The following NETO2 variants were observed in gnomAD, a reference collection of about 807,000 sequenced individuals.
NETO2 encodes neuropilin and tolloid like 2, also known as neuropilin and tolloid-like protein 2.
Under a neutral mutation model 62.5 loss-of-function variants are expected in NETO2, and 28 were observed. The ratio of observed to expected loss-of-function variants is 0.45; its 90% CI spans 0.33 to 0.61. NETO2 has a LOEUF of 0.61. NETO2 is among the 20% of genes least tolerant of loss of function. The probability of loss-of-function intolerance (pLI) is 0.02; values close to 1 mark genes in which losing one functional copy is unlikely to be tolerated. For missense variants in NETO2, 548 were observed against 643.2 expected (o/e 0.85, Z 1.60); for synonymous variants, 214 against 219.1 (o/e 0.98, Z 0.21).
intron 1 of NETO2, among the ~76,000 whole-genome samples, chr16:47,141,863 A>AG (rs1337831962): frequency 1.3e-5 from 2 of 152,236 alleles, no homozygotes; most frequent in Non-Finnish European, 2.9e-5. Flanking sequence ...ATGGCCAGAG[A>AG]GGGCAGTGTG....
At chr16:47,119,100 CT>C (rs1441665349) in intron 6 of NETO2, among the ~76,000 whole-genome samples, 2 of 151,038 alleles carry the variant, frequency 1.3e-5, no homozygotes, top group African/African-American at 4.9e-5. Flanking sequence ...TAAATCCTTG[CT>C]GTAGTTGATT....
Position 47,079,212 on chromosome 16 carries a change from C to G in NETO2, c.*4009G>C, listed in dbSNP as rs1041335650. 1 of 151,036 alleles carries G rather than the reference C, an allele frequency of 6.6e-6. No individual in the cohort carries two copies. Among genetic ancestry groups the G allele is most frequent in the African/African-American group, 2.4e-5 (1 of 40,948 alleles). The allele number at this position is 151,036 out of a possible 1,614,324, so 9.4% of individuals were successfully genotyped here. On this transcript the variant is annotated 3_prime_UTR_variant, in exon 9 of 9. Transcript: ENST00000562435. ...AGGAGAATGGCATGAACCCGGGAGG[C>G]GGAGCTTGCAGTGAGCCGAGATCAC...
rs544939887 is a variant in NETO2, at chr16:47,094,615, C to T, written c.884-8276G>A. ...TAATTTTTTGTATCTTTAGTAGAGA[C>T]AGGGTTTCACCGTGTTAGCCAGGAT... On this transcript the variant is annotated intron_variant, in intron 7 of 8. Transcript: ENST00000562435. Among the ~76,000 whole-genome samples, 184 of 152,134 alleles carry T rather than the reference C, an allele frequency of 1.2e-3. 1 individual carries two copies. Among genetic ancestry groups the T allele is most frequent in the Non-Finnish European group, 2.0e-3 (134 of 68,010 alleles).
intron 2 of NETO2, 91 bp downstream of exon 2, chr16:47,131,878 T>C: frequency 9.6e-7 from 1 of 1,043,728 alleles, no homozygotes; most frequent in South Asian, 1.3e-5. Context: ...CCAAAGGGAT[T>C]ATGAAAATAG....
At chr16:47,089,692 G>A (rs895705976) in intron 7 of NETO2, among the ~76,000 whole-genome samples, 10 of 152,260 alleles carry the variant, frequency 6.6e-5, no homozygotes, top group South Asian at 2.1e-4. Context: ...GAGGGCTGGG[G>A]AGTGTATGGT....
intron 7 of NETO2, among the ~76,000 whole-genome samples, chr16:47,104,465 CCA>C (rs1488299513): frequency 1.3e-5 from 2 of 151,960 alleles, no homozygotes; most frequent in African/African-American, 4.8e-5. Flanking sequence ...TCAAAGTGAC[CCA>C]CAGATTTAAA....
chr16:47,079,882 T>C lies in NETO2; in HGVS notation c.*3339A>G, dbSNP rs573458712. ...TCTCCTTTGAGAATTATTCCTGAAA[T>C]CACAACCAGGCTTCTCCCGTCCCCT... On this transcript the variant is annotated 3_prime_UTR_variant, in exon 9 of 9. Coordinates refer to ENST00000562435, the MANE Select transcript of NETO2 (RefSeq NM_018092.5). The C allele has an allele frequency of 6.6e-6, 1 of 152,322 alleles. No homozygotes were observed. The highest frequency in any genetic ancestry group is 2.4e-5 in the African/African-American group (1 of 41,552). The allele number at this position is 152,322 out of a possible 1,614,324, so 9.4% of individuals were successfully genotyped here.
chr16:47,087,497 A>G (rs952120474), intron 7 of NETO2, among the ~76,000 whole-genome samples: 1 of 152,234 alleles, frequency 6.6e-6, no homozygotes, highest in Non-Finnish European at 1.5e-5. Context: ...GTTTGGGAAG[A>G]CAAAAACTTT....
rs147570466 is a variant in NETO2 at position 47,102,838 on chromosome 16, T to C, written c.883+6645A>G. On this transcript the variant is annotated intron_variant, in intron 7 of 8. Coordinates refer to ENST00000562435, the MANE Select transcript of NETO2 (RefSeq NM_018092.5). Reference sequence around the variant, plus strand: ...GATAAACAGGAGCTCTTTTATACTGTTGGTGGGAGTGTAAATTAGTTCAAC... The same window carrying C: ...GATAAACAGGAGCTCTTTTATACTGCTGGTGGGAGTGTAAATTAGTTCAAC... 4.9e-3 allele frequency among the ~76,000 whole-genome samples: 744 copies of C among 152,266 alleles called. 4 individuals are homozygous for C. The highest frequency in any genetic ancestry group is 7.9e-3 in the Non-Finnish European group (536 of 68,002).
intron 4 of NETO2, among the ~76,000 whole-genome samples, 188 bp downstream of exon 4, chr16:47,128,137 A>G (rs2151489633): frequency 6.6e-6 from 1 of 152,358 alleles, no homozygotes; most frequent in African/African-American, 2.4e-5. Context: ...TTCAAGTGAT[A>G]CGTTTCTATG....
intron 7 of NETO2, among the ~76,000 whole-genome samples, chr16:47,101,975 G>C (rs931796301): frequency 2.6e-5 from 4 of 152,158 alleles, no homozygotes; most frequent in African/African-American, 9.7e-5. Flanking sequence ...GTATAGCCAA[G>C]ACAATCCTAA....
Position 47,132,319 on chromosome 16 carries a change from G to GT in NETO2, c.35-295dup, listed in dbSNP as rs985238782. On this transcript the variant is annotated intron_variant, in intron 1 of 8. Transcript: ENST00000562435. ...TTTGTTTAAAAAAAAAAAAACACTT[G>GT]TTTTTTGCAACAGACCTTGCTCATC... Among the ~76,000 whole-genome samples the GT allele has an allele frequency of 1.1e-4, 17 of 151,162 alleles. 1 individual carries two copies. Among genetic ancestry groups the GT allele is most frequent in the Middle Eastern group, 3.2e-3 (1 of 316 alleles).
chr16:47,122,800 G>C lies in NETO2; in HGVS notation c.527-16C>G. The C allele has an allele frequency of 6.2e-7, 1 of 1,613,978 alleles. No individual in the cohort carries two copies. The highest frequency in any genetic ancestry group is 1.1e-5 in the South Asian group (1 of 91,064). ...AACTGACAATCTGGAAGGAATACAT[G>C]AAAGGTGTTCAAAGGAACATAAGAC... is the stretch of plus-strand genomic sequence containing the variant. On this transcript the variant is annotated splice_polypyrimidine_tract_variant and intron_variant, in intron 5 of 8. Transcript: ENST00000562435.
chr16:47,088,723 AC>A (rs1258031201), intron 7 of NETO2, among the ~76,000 whole-genome samples: 6 of 152,070 alleles, frequency 3.9e-5, no homozygotes, highest in Admixed American at 6.5e-5. Flanking sequence ...CAAAGAGAAG[AC>A]TCTTCAGTGT....
Position 47,128,524 on chromosome 16 carries a change from T to C in NETO2, c.282A>G (p.Ile94Met), listed in dbSNP as rs1964201946. ...CAAACCGACACTCAAATGATGGTTC[T>C]ATATAATAATGTTCATCAAAGGTCA... The part of the protein sequence containing the change: ...IELTFDEHYY[I>M]EPSFECRFDH... Residue 94 changes from isoleucine (I) to methionine (M), a missense_variant, in exon 4 of 9, where the codon ATA becomes ATG. Ile to Met is a conservative substitution (Grantham distance 10). Coordinates refer to ENST00000562435, the MANE Select transcript of NETO2 (RefSeq NM_018092.5). The C allele has an allele frequency of 4.3e-6, 7 of 1,613,666 alleles. No individual in the cohort carries two copies. Among genetic ancestry groups the C allele is most frequent in the Non-Finnish European group, 5.9e-6 (7 of 1,179,910 alleles).
At chr16:47,085,306 TAAG>T (rs1963161925) in intron 8 of NETO2, among the ~76,000 whole-genome samples, 1 of 152,112 alleles carries the variant, frequency 6.6e-6, no homozygotes, top group East Asian at 1.9e-4. Flanking sequence ...GACAATTAAA[TAAG>T]GTATGTTTAC....
intron 6 of NETO2, 78 bp downstream of exon 6, chr16:47,122,579 C>A: frequency 6.6e-7 from 1 of 1,519,506 alleles, no homozygotes; most frequent in Non-Finnish European, 8.9e-7. Context: ...AATATTTACA[C>A]AAACCAAAAT....
chr16:47,142,570 A>T (rs1964481851), intron 1 of NETO2, among the ~76,000 whole-genome samples: 1 of 152,202 alleles, frequency 6.6e-6, no homozygotes, highest in South Asian at 2.1e-4. Context: ...TACCCTCGAA[A>T]TTTTTAAAAA....
At chr16:47,127,957 G>A (rs1964189903) in intron 4 of NETO2, among the ~76,000 whole-genome samples, 1 of 152,110 alleles carries the variant, frequency 6.6e-6, no homozygotes, top group African/African-American at 2.4e-5. Context: ...AGCTAAATGA[G>A]AAAAATCATA....
Sources: gnomAD v4.1 joint callset for allele counts (sites outside exome capture counted in the v4.1 genomes callset) on GRCh38, gnomAD v4.1.1 for gene constraint, MANE v1.5 for transcripts, NCBI Gene and HGNC (gene_info 2026-07-23, HGNC 2026-07-21) for gene names.